Variants in PKNOX2 observed in about 807,000 individuals in gnomAD.
PKNOX2 encodes PBX/knotted 1 homeobox 2, also known as homeobox protein PKNOX2.
A neutral mutation model predicts 53.1 loss-of-function variants in PKNOX2; 14 were observed. That is an observed-to-expected ratio of 0.26 (90% CI 0.17 to 0.41). The LOEUF (loss-of-function observed/expected upper bound fraction) is 0.41, where lower values mean the gene tolerates loss of function less well. Ranked by LOEUF, PKNOX2 falls within the 10% of genes least tolerant of loss-of-function variation. PKNOX2 has a pLI of 1.00. For missense variants in PKNOX2, 496 were observed against 602.8 expected (o/e 0.82, Z 1.85); for synonymous variants, 257 against 242.8 (o/e 1.06, Z -0.54).
intron 6 of PKNOX2, among the ~76,000 whole-genome samples, chr11:125,388,234 C>T (rs999163126): frequency 6.6e-6 from 1 of 152,044 alleles, no homozygotes; most frequent in African/African-American, 2.4e-5. Flanking sequence ...ATCATGTAGC[C>T]AGCACAGCCA....
intron 3 of PKNOX2, among the ~76,000 whole-genome samples, chr11:125,349,708 G>C (rs563271028): frequency 3.3e-5 from 5 of 152,308 alleles, no homozygotes; most frequent in Admixed American, 3.3e-4. Context: ...GTGGTTGGTA[G>C]ACATCTATTG....
intron 5 of PKNOX2, among the ~76,000 whole-genome samples, chr11:125,376,086 CG>C (rs1269808248): frequency 6.6e-6 from 1 of 152,138 alleles, no homozygotes; most frequent in Non-Finnish European, 1.5e-5. Flanking sequence ...TTTAATGTGC[CG>C]GGAGGAGTGT....
chr11:125,397,789 C>T lies in PKNOX2; in HGVS notation c.400-85C>T. ...CTACGGCAGGGGGTGGGCTCCCCTC[C>T]CCTGGGGTGGTGGGGGCTGGGGGTC... On this transcript the variant is annotated intron_variant, in intron 6 of 12. Transcript: ENST00000298282. The T allele has an allele frequency of 2.1e-6, 3 of 1,419,612 alleles. 1 individual carries two copies. The South Asian group carries it at 4.0e-5, about 19-fold the overall frequency. 87.9% of individuals were successfully genotyped at this position (1,419,612 alleles called of 1,614,324 possible). A position where few individuals can be genotyped will look rare whatever the true frequency, so the allele number is the denominator to read the frequency against.
chr11:125,310,279 A>G (rs1371746667), intron 2 of PKNOX2, among the ~76,000 whole-genome samples: 3 of 151,870 alleles, frequency 2.0e-5, no homozygotes, highest in Non-Finnish European at 4.4e-5. Flanking sequence ...GGTGGATCAC[A>G]AGGTCAGGAG....
chr11:125,276,969 A>G (rs1402579783), intron 2 of PKNOX2, among the ~76,000 whole-genome samples: 1 of 152,206 alleles, frequency 6.6e-6, no homozygotes, highest in African/African-American at 2.4e-5. Flanking sequence ...CAGTAGCTGA[A>G]GTATTGGATA....
intron 7 of PKNOX2, 66 bp from the exon 8 acceptor site, chr11:125,410,130 A>C: frequency 6.4e-7 from 1 of 1,571,220 alleles, no homozygotes; most frequent in South Asian, 1.2e-5. Flanking sequence ...ACGGAAGAGG[A>C]CTCTGGGGCT....
At chr11:125,175,247 GGAAA>G (rs537521297) in intron 1 of PKNOX2, among the ~76,000 whole-genome samples, 5,299 of 90,280 alleles carry the variant, frequency 0.059, 216 homozygotes, top group African/African-American at 0.13. Context: ...AAGGAAGGAA[GGAAA>G]GAAGGAAGGA....
chr11:125,252,382 T>C (rs1944070046), intron 2 of PKNOX2, among the ~76,000 whole-genome samples: 1 of 152,072 alleles, frequency 6.6e-6, no homozygotes, highest in African/African-American at 2.4e-5. Flanking sequence ...ATCTGTGTTT[T>C]GGAAAGGTGG....
intron 7 of PKNOX2, among the ~76,000 whole-genome samples, chr11:125,404,306 T>C (rs1954936228): frequency 6.6e-6 from 1 of 152,216 alleles, no homozygotes; most frequent in Non-Finnish European, 1.5e-5. Context: ...GCCAGGCTAG[T>C]GAAACCTGAG....
chr11:125,313,428 C>A (rs553441684), intron 2 of PKNOX2, among the ~76,000 whole-genome samples: 123 of 152,328 alleles, frequency 8.1e-4, no homozygotes, highest in African/African-American at 2.8e-3. Context: ...ACCTTGAGGG[C>A]AGAAACCAGG....
At chr11:125,313,640 C>T (rs1374659573) in intron 2 of PKNOX2, among the ~76,000 whole-genome samples, 1 of 152,238 alleles carries the variant, frequency 6.6e-6, no homozygotes, top group Non-Finnish European at 1.5e-5. Flanking sequence ...TGAGTCCTGT[C>T]CATGCCCTTT....
intron 1 of PKNOX2, among the ~76,000 whole-genome samples, chr11:125,206,076 A>G (rs1939064853): frequency 6.6e-6 from 1 of 151,986 alleles, no homozygotes; most frequent in South Asian, 2.1e-4. Context: ...AGCTCAGCTC[A>G]GTGCATATTT....
At chr11:125,245,489 G>C (rs1264579844) in intron 2 of PKNOX2, among the ~76,000 whole-genome samples, 1 of 152,224 alleles carries the variant, frequency 6.6e-6, no homozygotes, top group African/African-American at 2.4e-5. Context: ...ACTGCACTTG[G>C]AGCTCTCTCT....
At chr11:125,272,321 A>G (rs532988639) in intron 2 of PKNOX2, among the ~76,000 whole-genome samples, 25 of 152,308 alleles carry the variant, frequency 1.6e-4, no homozygotes, top group Admixed American at 1.6e-3. Flanking sequence ...AATCATGATA[A>G]ATGGCATCTG....
chr11:125,280,863 A>G (rs1480695105), intron 2 of PKNOX2, among the ~76,000 whole-genome samples: 1 of 152,160 alleles, frequency 6.6e-6, no homozygotes, highest in African/African-American at 2.4e-5. Flanking sequence ...GCTGTGGTGT[A>G]TAAGGAGTAT....
At chr11:125,366,991 A>G (rs1409875067) in intron 4 of PKNOX2, among the ~76,000 whole-genome samples, 1 of 152,242 alleles carries the variant, frequency 6.6e-6, no homozygotes. Flanking sequence ...GAGAGCTACC[A>G]TCGTGCTATG....
chr11:125,291,307 A>G (rs1406138159), intron 2 of PKNOX2, among the ~76,000 whole-genome samples: 1 of 152,086 alleles, frequency 6.6e-6, no homozygotes, highest in African/African-American at 2.4e-5. Context: ...AGTGGTATGG[A>G]AAGCCAGTCC....
At chr11:125,420,993 C>A (rs989121870) in intron 10 of PKNOX2, among the ~76,000 whole-genome samples, 1 of 152,096 alleles carries the variant, frequency 6.6e-6, no homozygotes, top group Admixed American at 6.5e-5. Flanking sequence ...ACCAAAGTGG[C>A]TTTTAGGACT....
At chr11:125,376,679 TCATTCACTGATTCC>T (rs1415225229) in intron 5 of PKNOX2, among the ~76,000 whole-genome samples, 1 of 152,198 alleles carries the variant, frequency 6.6e-6, no homozygotes, top group African/African-American at 2.4e-5. Flanking sequence ...CTCCACTCAT[TCATTCACTGATTCC>T]CATTCACTGA....
Sources: gnomAD v4.1 joint callset for allele counts (sites outside exome capture counted in the v4.1 genomes callset) on GRCh38, gnomAD v4.1.1 for gene constraint, MANE v1.5 for transcripts, NCBI Gene and HGNC (gene_info 2026-07-23, HGNC 2026-07-21) for gene names.